Variants in UTP6 observed in about 807,000 individuals in gnomAD.
UTP6 encodes the protein U3 small nucleolar RNA-associated protein 6 homolog.
Under a neutral mutation model 96.5 loss-of-function variants are expected in UTP6, and 60 were observed. That is an observed-to-expected ratio of 0.62 (90% confidence interval 0.51 to 0.77). The LOEUF is 0.77. Ranked by LOEUF, UTP6 falls within the 30% of genes least tolerant of loss-of-function variation. UTP6 has a pLI of 0.00. For missense variants in UTP6, 637 were observed against 706.5 expected (o/e 0.90, Z 1.12); for synonymous variants, 215 against 240.1 (o/e 0.90, Z 0.96).
chr17:31,889,495 ATTTT>A (rs375193627), intron 6 of UTP6, 92 bp from the exon 7 acceptor site: 1,352 of 533,794 alleles, frequency 2.5e-3, no homozygotes, highest in East Asian at 3.3e-3. Flanking sequence ...TACTCGCACA[ATTTT>A]TTTTTTTTTT....
chr17:31,890,069 CA>C (rs1019166211), intron 6 of UTP6, among the ~76,000 whole-genome samples: 1 of 151,968 alleles, frequency 6.6e-6, no homozygotes, highest in Non-Finnish European at 1.5e-5. Context: ...TGCAGTGGCA[CA>C]AACAACAGCT....
intron 6 of UTP6, among the ~76,000 whole-genome samples, chr17:31,891,917 G>A (rs1904342485): frequency 6.6e-6 from 1 of 152,198 alleles, no homozygotes; most frequent in African/African-American, 2.4e-5. Context: ...CACCTACTCA[G>A]GAGGCTAAGG....
Position 31,868,087 on chromosome 17 carries a change from C to T in UTP6, c.1522G>A (p.Val508Ile), listed in dbSNP as rs1909928681. ...KSLQESRPFS[V>I]DFFRKMIQFE... ...TGAATCATTTTCCTGAAAAAGTCAACTGAAAATGGTCGGCTCTCCTGTAAA... is the reference window on the plus strand; with the variant it reads ...TGAATCATTTTCCTGAAAAAGTCAATTGAAAATGGTCGGCTCTCCTGTAAA... Residue 508 changes from valine to isoleucine, a missense_variant, in exon 17 of 19, where the codon GTT becomes ATT. Val to Ile is a conservative substitution (Grantham distance 29). Coordinates refer to ENST00000261708, the MANE Select transcript of UTP6 (RefSeq NM_018428.3). 1 of 1,613,356 alleles carries T rather than the reference C, an allele frequency of 6.2e-7. No homozygotes were observed. Among genetic ancestry groups the T allele is most frequent in the African/African-American group, 1.3e-5 (1 of 74,904 alleles).
intron 4 of UTP6, among the ~76,000 whole-genome samples, chr17:31,894,160 T>C (rs1452761389): frequency 6.7e-6 from 1 of 149,316 alleles, no homozygotes; most frequent in Non-Finnish European, 1.5e-5. Context: ...TCCCAGCTAC[T>C]GGGGAGGCTG....
At chr17:31,882,917 C>G (rs953286299) in intron 10 of UTP6, among the ~76,000 whole-genome samples, 1 of 152,122 alleles carries the variant, frequency 6.6e-6, no homozygotes, top group African/African-American at 2.4e-5. Context: ...CCGCAAGTAG[C>G]TGGGACTACA....
intron 5 of UTP6, 56 bp from the exon 6 acceptor site, chr17:31,892,379 C>G (rs959181921): frequency 3.3e-6 from 5 of 1,527,732 alleles, no homozygotes; most frequent in Non-Finnish European, 3.6e-6. Flanking sequence ...TGATCTTACT[C>G]TCTAAGTAAT....
At chr17:31,888,701 T>C (rs185136586) in intron 7 of UTP6, among the ~76,000 whole-genome samples, 3 of 147,872 alleles carry the variant, frequency 2.0e-5, no homozygotes. Flanking sequence ...TCTCAAAAAA[T>C]AAAAAAGATG....
chr17:31,895,185 T>C (rs1334254098), intron 2 of UTP6, among the ~76,000 whole-genome samples, 174 bp from the exon 3 acceptor site: 1 of 152,204 alleles, frequency 6.6e-6, no homozygotes, highest in Non-Finnish European at 1.5e-5. Flanking sequence ...CACTTAGCTA[T>C]AAAACTTAAA....
intron 16 of UTP6, among the ~76,000 whole-genome samples, chr17:31,870,387 T>C (rs1567777821): frequency 6.6e-6 from 1 of 152,200 alleles, no homozygotes; most frequent in African/African-American, 2.4e-5. Context: ...TCATTGTGGT[T>C]TTGATTTGCA....
At chr17:31,891,897 C>T (rs1904341469) in intron 6 of UTP6, among the ~76,000 whole-genome samples, 1 of 152,184 alleles carries the variant, frequency 6.6e-6, no homozygotes, top group South Asian at 2.1e-4. Flanking sequence ...GTGGCGGGCA[C>T]CTGTAATCCC....
intron 10 of UTP6, among the ~76,000 whole-genome samples, chr17:31,881,515 T>G (rs1910841172): frequency 6.6e-6 from 1 of 152,056 alleles, no homozygotes; most frequent in South Asian, 2.1e-4. Flanking sequence ...GTGATCCTCC[T>G]GCCTTGGGCT....
intron 2 of UTP6, among the ~76,000 whole-genome samples, chr17:31,896,187 C>G (rs1298842454): frequency 6.6e-6 from 1 of 151,792 alleles, no homozygotes; most frequent in African/African-American, 2.4e-5. Context: ...AAGCAGTTTT[C>G]CTGCCTCAGC....
At chr17:31,866,280 CTG>C (rs751835830) in intron 17 of UTP6, among the ~76,000 whole-genome samples, 26 of 131,882 alleles carry the variant, frequency 2.0e-4, no homozygotes, top group Non-Finnish European at 3.8e-4. Flanking sequence ...GAGCGAGACT[CTG>C]TCTCAAAAAA....
intron 10 of UTP6, among the ~76,000 whole-genome samples, chr17:31,883,201 TAAAG>T (rs1051728932): frequency 2.0e-5 from 3 of 151,056 alleles, no homozygotes; most frequent in African/African-American, 7.3e-5. Context: ...AAAAATATAA[TAAAG>T]AAATAAAAAG....
intron 11 of UTP6, among the ~76,000 whole-genome samples, chr17:31,879,998 C>T (rs976620621): frequency 5.9e-5 from 9 of 151,810 alleles, no homozygotes; most frequent in Middle Eastern, 3.2e-3. Flanking sequence ...CCCAGCTACT[C>T]GGGAGGATGA....
At chr17:31,879,095 C>A (rs1408985722) in intron 11 of UTP6, among the ~76,000 whole-genome samples, 1 of 152,078 alleles carries the variant, frequency 6.6e-6, no homozygotes, top group Non-Finnish European at 1.5e-5. Flanking sequence ...AAATCACTTT[C>A]CAAAGATAAT....
Position 31,880,556 on chromosome 17 carries a change from G to A in UTP6, c.967+17C>T, listed in dbSNP as rs1413677899. 7 of 1,613,854 alleles carry A rather than the reference G, an allele frequency of 4.3e-6. No homozygotes were observed. In the East Asian group the frequency reaches 1.3e-4, roughly 31 times the overall value. On this transcript the variant is annotated intron_variant, in intron 11 of 18. Transcript: ENST00000261708. ...TACTATTCCTTCTATATCACACCAT[G>A]GTTTGGTGAAGTTCACCTGTTGGCA...
intron 4 of UTP6, among the ~76,000 whole-genome samples, chr17:31,894,245 GGCAACACAGTGAGACCTT>G (rs1487004742): frequency 3.4e-5 from 5 of 147,296 alleles, no homozygotes; most frequent in African/African-American, 5.0e-5. Flanking sequence ...CTCTAGTCTG[GGCAACACAGTGAGACCTT>G]ATCTCAAAAA....
chr17:31,892,920 C>T (rs1904408831), intron 4 of UTP6, 126 bp from the exon 5 acceptor site: 1 of 1,088,690 alleles, frequency 9.2e-7, no homozygotes, highest in Non-Finnish European at 1.3e-6. Flanking sequence ...CACCTGTAAT[C>T]CCACCACTTT....
Sources: allele counts gnomAD v4.1 joint callset (sites outside exome capture counted in the v4.1 genomes callset), GRCh38; gene constraint gnomAD v4.1.1; transcripts MANE v1.5; gene names NCBI Gene and HGNC (gene_info 2026-07-23, HGNC 2026-07-21).